Variants in KCNH1 observed in about 807,000 individuals in gnomAD.
KCNH1 encodes potassium voltage-gated channel subfamily H member 1.
KCNH1 carries 27 observed loss-of-function variants against 69.2 expected under a neutral mutation model. The observed-to-expected ratio is 0.39, with a 90% CI of 0.29 to 0.54. The LOEUF is 0.54. Among genes scored for constraint, KCNH1 ranks in the 20% least tolerant of loss-of-function variants. The pLI is 0.68. For missense variants in KCNH1, 798 were observed against 1,261.6 expected (o/e 0.63, Z 5.57); for synonymous variants, 456 against 487.7 (o/e 0.93, Z 0.86).
At chr1:210,721,133 C>T (rs1222071122) in intron 10 of KCNH1, among the ~76,000 whole-genome samples, 1 of 152,026 alleles carries the variant, frequency 6.6e-6, no homozygotes, top group Non-Finnish European at 1.5e-5. Flanking sequence ...GCTAGGAACC[C>T]AGGCCCAGAC....
chr1:210,927,915 T>C (rs1161977858), intron 6 of KCNH1, among the ~76,000 whole-genome samples: 2 of 152,036 alleles, frequency 1.3e-5, no homozygotes, highest in Non-Finnish European at 2.9e-5. Flanking sequence ...TGGCTATTCT[T>C]ATATCAGACA....
chr1:210,943,045 T>C (rs1225483084), intron 6 of KCNH1, among the ~76,000 whole-genome samples: 2 of 152,236 alleles, frequency 1.3e-5, no homozygotes, highest in East Asian at 1.9e-4. Flanking sequence ...CTCTTAGTCT[T>C]ACAGTCATTC....
At chr1:210,913,276 C>T (rs61848974) in intron 7 of KCNH1, among the ~76,000 whole-genome samples, 1,778 of 152,184 alleles carry the variant, frequency 0.012, 12 homozygotes, top group Middle Eastern at 0.027. Flanking sequence ...CTGAACACTG[C>T]CCCATTCCCA....
intron 10 of KCNH1, among the ~76,000 whole-genome samples, chr1:210,763,549 A>G (rs1683563398): frequency 6.6e-6 from 1 of 152,166 alleles, no homozygotes; most frequent in Non-Finnish European, 1.5e-5. Context: ...AAAAATCAGT[A>G]GCATTTCTAT....
chr1:210,696,636 C>G (rs932479317), intron 10 of KCNH1, among the ~76,000 whole-genome samples: 1 of 152,154 alleles, frequency 6.6e-6, no homozygotes, highest in African/African-American at 2.4e-5. Context: ...ACTCAGTCCT[C>G]ATTTTATGGG....
Position 210,761,266 on chromosome 1 carries a change from A to AG in KCNH1, c.2112+14081_2112+14082insC, listed in dbSNP as rs1683512871. 1.3e-5 allele frequency among the ~76,000 whole-genome samples: 2 copies of AG among 149,798 alleles called. 1 individual carries two copies. Among genetic ancestry groups the AG allele is most frequent in the Non-Finnish European group, 3.0e-5 (2 of 67,322 alleles). ...GACTCCGTCAAAAAAAAAAAAAAAA[A>AG]AAAAAAAAAGTACATGTAAGCACAT... is the stretch of plus-strand genomic sequence containing the variant. On this transcript the variant is annotated intron_variant, in intron 10 of 10. Coordinates refer to ENST00000271751, the MANE Select transcript of KCNH1 (RefSeq NM_172362.3).
chr1:211,092,868 A>G (rs912677076), intron 3 of KCNH1, among the ~76,000 whole-genome samples: 1 of 151,948 alleles, frequency 6.6e-6, no homozygotes, highest in South Asian at 2.1e-4. Context: ...ATTTTTTCAG[A>G]TGATAAACCA....
chr1:211,071,414 A>T (rs1251730680), intron 5 of KCNH1, among the ~76,000 whole-genome samples: 1 of 152,236 alleles, frequency 6.6e-6, no homozygotes, highest in East Asian at 1.9e-4. Flanking sequence ...TAGAGAGAAG[A>T]ACTGTTCAGG....
chr1:210,856,871 A>ATATATATAT (rs1190362628), intron 7 of KCNH1, among the ~76,000 whole-genome samples: 1 of 61,466 alleles, frequency 1.6e-5, no homozygotes, highest in African/African-American at 6.8e-5. Context: ...ATATATATAT[A>ATATATATAT]ACCCACTATA....
At chr1:210,934,266 G>A (rs1687732994) in intron 6 of KCNH1, among the ~76,000 whole-genome samples, 1 of 152,198 alleles carries the variant, frequency 6.6e-6, no homozygotes, top group Non-Finnish European at 1.5e-5. Context: ...GAATGGATTT[G>A]TAAACTCTCC....
chr1:210,755,870 A>T (rs1366411353), intron 10 of KCNH1, among the ~76,000 whole-genome samples: 2 of 152,212 alleles, frequency 1.3e-5, no homozygotes, highest in Non-Finnish European at 2.9e-5. Flanking sequence ...AAGAGAGAAC[A>T]TTATCAGAGA....
intron 1 of KCNH1, among the ~76,000 whole-genome samples, chr1:211,127,919 A>T (rs988910749): frequency 6.6e-6 from 1 of 152,212 alleles, no homozygotes; most frequent in African/African-American, 2.4e-5. Flanking sequence ...ATAGCACAAA[A>T]CTGGAAACAA....
At position 211,042,524 on chromosome 1, in the gene KCNH1, G is replaced by C. The variant is rs185140794; in HGVS notation, c.559-23268C>G. On this transcript the variant is annotated intron_variant, in intron 5 of 10. Coordinates refer to ENST00000271751, the MANE Select transcript of KCNH1 (RefSeq NM_172362.3). ...ATACAGCAACACAATAATAGTGGGG[G>C]ACTTCAACACTCCACTGACAGCACT... Among the ~76,000 whole-genome samples the C allele has an allele frequency of 1.2e-3, 189 of 152,220 alleles. 1 individual carries two copies. Among genetic ancestry groups the C allele is most frequent in the African/African-American group, 4.3e-3 (179 of 41,530 alleles).
intron 6 of KCNH1, among the ~76,000 whole-genome samples, chr1:210,998,516 T>A (rs1689099766): frequency 6.6e-6 from 1 of 151,394 alleles, no homozygotes; most frequent in African/African-American, 2.4e-5. Flanking sequence ...ATAAAGCAAG[T>A]CCTGAGAGAT....
chr1:210,888,941 C>A (rs1686683999), intron 7 of KCNH1, among the ~76,000 whole-genome samples: 1 of 152,124 alleles, frequency 6.6e-6, no homozygotes, highest in South Asian at 2.1e-4. Flanking sequence ...AAACCCAGGA[C>A]CAGACAGATT....
chr1:210,683,109 TC>T lies in KCNH1; in HGVS notation c.*171del. 5 of 708,760 alleles carry T rather than the reference TC, an allele frequency of 7.1e-6. No individual in the cohort carries two copies. The highest frequency in any genetic ancestry group is 9.6e-6 in the Non-Finnish European group (4 of 415,506). 43.9% of individuals were successfully genotyped at this position (708,760 alleles called of 1,614,324 possible). ...TTGCAGGGTAGGGGCACGCTACCCT[TC>T]CCATATCTTTTTCCAGATAGAGAAA... On this transcript the variant is annotated 3_prime_UTR_variant, in exon 11 of 11. Coordinates refer to ENST00000271751, the MANE Select transcript of KCNH1 (RefSeq NM_172362.3). The surrounding 1 kb of genome is among the most constrained non-coding windows in gnomAD (Gnocchi z 5.7).
intron 1 of KCNH1, among the ~76,000 whole-genome samples, chr1:211,125,327 AGAAACTATTCAG>A (rs1691757796): frequency 6.6e-6 from 1 of 152,222 alleles, no homozygotes; most frequent in Non-Finnish European, 1.5e-5. Context: ...GGAGGCAAAC[AGAAACTATTCAG>A]TACCTTGGCC....
intron 7 of KCNH1, among the ~76,000 whole-genome samples, chr1:210,829,130 C>A (rs998890241): frequency 6.6e-6 from 1 of 152,176 alleles, no homozygotes; most frequent in Admixed American, 6.5e-5. Context: ...TCCAAGTGAT[C>A]TGATTCAACA....
In KCNH1 at chr1:211,133,738, G is replaced by T; in HGVS notation, c.79+129C>A. ...CTGCCTCGGGGAGGCTGCCCTGGGT[G>T]CCCGCGCCGCGGCTCCTTAGCAGAG... On this transcript the variant is annotated intron_variant, in intron 1 of 10. Transcript: ENST00000271751. This position sits in a 1 kb window ranked among gnomAD's most constrained non-coding sequence, Gnocchi z 5.4. 1 of 792,156 alleles carries T rather than the reference G, an allele frequency of 1.3e-6. No homozygotes were observed. Among genetic ancestry groups the T allele is most frequent in the Non-Finnish European group, 2.1e-6 (1 of 482,238 alleles). 49.1% of individuals were successfully genotyped at this position (792,156 alleles called of 1,614,324 possible).
Sources: allele counts gnomAD v4.1 joint callset (sites outside exome capture counted in the v4.1 genomes callset), GRCh38; gene constraint gnomAD v4.1.1; non-coding constraint Gnocchi (gnomAD v3.1); transcripts MANE v1.5; gene names NCBI Gene and HGNC (gene_info 2026-07-23, HGNC 2026-07-21).